The following CRB1 variants were observed in gnomAD, a reference collection of about 807,000 sequenced individuals.
CRB1 encodes the protein crumbs cell polarity complex component 1.
In CRB1, 83 loss-of-function variants were observed where a neutral mutation model predicts 120.0. That is an observed-to-expected ratio of 0.69 (90% CI 0.58 to 0.83). CRB1 has a LOEUF of 0.83. CRB1 is among the 40% of genes least tolerant of loss of function. CRB1 has a pLI of 0.00. For missense variants in CRB1, 1,699 were observed against 1,687.6 expected (o/e 1.01, Z -0.12); for synonymous variants, 625 against 612.5 (o/e 1.02, Z -0.30).
chr1:197,237,853 T>C, the CRB1 span, among the ~76,000 whole-genome samples: 1 of 152,136 alleles, frequency 6.6e-6, no homozygotes, highest in African/African-American at 2.4e-5. Context: ...TTTTATTGAT[T>C]TCTGCTCTTT....
chr1:197,319,432 C>CAAAAAAAAA (rs10646084), intron 1 of CRB1, among the ~76,000 whole-genome samples: 22 of 27,080 alleles, frequency 8.1e-4, no homozygotes, highest in African/African-American at 2.3e-3. Context: ...GACTCCATCT[C>CAAAAAAAAA]AAAAAAAAAA....
At chr1:197,286,452 T>C (rs1324350806) in intron 1 of CRB1, among the ~76,000 whole-genome samples, 1 of 151,940 alleles carries the variant, frequency 6.6e-6, no homozygotes, top group Non-Finnish European at 1.5e-5. Flanking sequence ...TTATTCCCAC[T>C]AAACCACCTA....
chr1:197,370,992 C>A (rs1163181886), intron 5 of CRB1, among the ~76,000 whole-genome samples: 1 of 152,188 alleles, frequency 6.6e-6, no homozygotes, highest in Admixed American at 6.5e-5. Context: ...TCGCTGATAA[C>A]CTTCCTAAAA....
intron 5 of CRB1, among the ~76,000 whole-genome samples, chr1:197,393,111 A>T (rs1324162809): frequency 6.6e-6 from 1 of 152,138 alleles, no homozygotes; most frequent in Non-Finnish European, 1.5e-5. Flanking sequence ...TAAACAGGAC[A>T]TTTTAAAACA....
Position 197,465,115 on chromosome 1 carries a change from C to G in CRB1, c.4006-12549C>G, listed in dbSNP as rs996017161. Among the ~76,000 whole-genome samples the G allele has an allele frequency of 3.9e-5, 6 of 152,246 alleles. No homozygotes were observed. The South Asian group carries it at 8.3e-4, about 21-fold the overall frequency. On this transcript the variant is annotated intron_variant, in intron 11 of 11. Transcript: ENST00000367400. ...TAACACAGACTTAGAGATCCCAAAG[C>G]ATAAAATAACCACTTTAGCTTTATT...
At chr1:197,218,782 G>A in the CRB1 span, among the ~76,000 whole-genome samples, 5 of 152,280 alleles carry the variant, frequency 3.3e-5, no homozygotes, top group East Asian at 1.9e-4. Flanking sequence ...AAGTAGTACT[G>A]GAGAACAAAG....
rs1333028506 is a variant in CRB1, at chr1:197,421,297, G to A, written c.1469G>A (p.Gly490Asp). Residue 490 changes from glycine (G) to aspartate (D), a missense_variant, in exon 6 of 12, where the codon GGC becomes GAC. Physicochemically the swap from Gly to Asp is moderately conservative, Grantham distance 94. Coordinates refer to ENST00000367400, the MANE Select transcript of CRB1 (RefSeq NM_201253.3). ...CEIATTLSFE[G>D]DGFLWVKSGS... ...ATCGCAACCACACTTTCATTTGAGG[G>A]CGATGGCTTCCTGTGGGTCAAAAGT... 1 of 1,614,190 alleles carries A rather than the reference G, an allele frequency of 6.2e-7. No individual in the cohort carries two copies. The highest frequency in any genetic ancestry group is 8.5e-7 in the Non-Finnish European group (1 of 1,180,044).
intron 1 of CRB1, among the ~76,000 whole-genome samples, chr1:197,286,025 T>TATAG (rs1263858947): frequency 6.6e-6 from 1 of 151,742 alleles, no homozygotes; most frequent in African/African-American, 2.4e-5. Flanking sequence ...CTTGAAAGAG[T>TATAG]ATAGGCCTTT....
chr1:197,421,870 G>A lies in CRB1; in HGVS notation c.2042G>A (p.Cys681Tyr), dbSNP rs62636266. ...AAGGATTGGTGTGAAAGCCAACCTT[G>A]TCAAAGCAGAGGACGCTGCATCAAC... ...VRKDWCESQPCQSRGRCINLW... is the reference protein window; with the variant it reads ...VRKDWCESQPYQSRGRCINLW... Residue 681 changes from cysteine to tyrosine, a missense_variant, in exon 6 of 12, where the codon TGT becomes TAT. Cys to Tyr is a radical substitution (Grantham distance 194, BLOSUM62 -2). Coordinates refer to ENST00000367400, the MANE Select transcript of CRB1 (RefSeq NM_201253.3). 11 of 1,614,220 alleles carry A rather than the reference G, an allele frequency of 6.8e-6. No homozygotes were observed. Among genetic ancestry groups the A allele is most frequent in the South Asian group, 1.1e-5 (1 of 91,084 alleles).
At chr1:197,364,032 C>G (rs1303860104) in intron 5 of CRB1, 3 of 1,379,704 alleles carry the variant, frequency 2.2e-6, no homozygotes, top group Non-Finnish European at 3.1e-6. Context: ...CTCACAAGAT[C>G]AACTTCTTGA....
intron 11 of CRB1, among the ~76,000 whole-genome samples, chr1:197,456,805 C>T (rs1489297764): frequency 6.6e-6 from 1 of 152,036 alleles, no homozygotes; most frequent in African/African-American, 2.4e-5. Context: ...TTTTAAAAAC[C>T]GGTTTCTGTA....
intron 1 of CRB1, among the ~76,000 whole-genome samples, chr1:197,290,265 C>CGCGTGT (rs1553243758): frequency 7.3e-6 from 1 of 136,898 alleles, no homozygotes; most frequent in African/African-American, 2.8e-5. Context: ...TGTTCCCTTT[C>CGCGTGT]GTGTGTGTGT....
At chr1:197,241,315 A>G in the CRB1 span, among the ~76,000 whole-genome samples, 1 of 152,240 alleles carries the variant, frequency 6.6e-6, no homozygotes, top group Non-Finnish European at 1.5e-5. Flanking sequence ...GTTTTACTCT[A>G]GGGTTTTTAT....
intron 5 of CRB1, among the ~76,000 whole-genome samples, chr1:197,399,582 G>T (rs180848099): frequency 6.6e-6 from 1 of 152,030 alleles, no homozygotes; most frequent in African/African-American, 2.4e-5. Flanking sequence ...AACTACTGCC[G>T]CATAACAAAT....
intron 5 of CRB1, chr1:197,413,954 T>G: frequency 2.2e-6 from 1 of 457,236 alleles, no homozygotes; most frequent in Non-Finnish European, 4.4e-6. Flanking sequence ...GAAAGATGTT[T>G]GGAGCCAGGA....
At chr1:197,359,939 T>G (rs1055131862) in intron 5 of CRB1, among the ~76,000 whole-genome samples, 1 of 152,218 alleles carries the variant, frequency 6.6e-6, no homozygotes, top group Non-Finnish European at 1.5e-5. Context: ...ATTTCCTAGT[T>G]GAGTTGTTTT....
chr1:197,230,713 C>T, the CRB1 span, among the ~76,000 whole-genome samples: 1 of 152,002 alleles, frequency 6.6e-6, no homozygotes, highest in Non-Finnish European at 1.5e-5. Flanking sequence ...TCAATTACTC[C>T]TTGTATTTTT....
At chr1:197,473,529 A>G (rs1667068340) in intron 11 of CRB1, among the ~76,000 whole-genome samples, 1 of 152,168 alleles carries the variant, frequency 6.6e-6, no homozygotes, top group Admixed American at 6.5e-5. Context: ...CAAAGTAATC[A>G]CAGTTTAAAT....
intron 1 of CRB1, among the ~76,000 whole-genome samples, chr1:197,275,837 G>A (rs1157814075): frequency 1.3e-5 from 2 of 151,866 alleles, no homozygotes; most frequent in East Asian, 1.9e-4. Flanking sequence ...AACAGTGATT[G>A]CAAGTTATTT....
Sources: allele counts gnomAD v4.1 joint callset (sites outside exome capture counted in the v4.1 genomes callset), GRCh38; gene constraint gnomAD v4.1.1; transcripts MANE v1.5; gene names NCBI Gene and HGNC (gene_info 2026-07-23, HGNC 2026-07-21).